PARD3B: variants seen among roughly 807,000 people sequenced by gnomAD.
The protein encoded by PARD3B is par-3 family cell polarity regulator beta.
Under a neutral mutation model 130.2 loss-of-function variants are expected in PARD3B, and 103 were observed. That is an observed-to-expected ratio of 0.79 (90% CI 0.67 to 0.93). The LOEUF (loss-of-function observed/expected upper bound fraction) is 0.93. Ranked by LOEUF, PARD3B falls within the 40% of genes least tolerant of loss-of-function variation. The pLI is 0.00. For synonymous variants in PARD3B, 583 were observed against 553.2 expected (o/e 1.05, Z -0.76); for missense variants, 1,609 against 1,499.2 (o/e 1.07, Z -1.21).
chr2:204,798,709 G>C (rs2042460738), intron 2 of PARD3B, among the ~76,000 whole-genome samples: 2 of 151,928 alleles, frequency 1.3e-5, no homozygotes, highest in Admixed American at 6.5e-5. Flanking sequence ...GCCACAGTAT[G>C]ATAGGGCACT....
chr2:204,619,889 G>A (rs905027553), intron 1 of PARD3B, among the ~76,000 whole-genome samples: 3 of 152,292 alleles, frequency 2.0e-5, no homozygotes, highest in African/African-American at 7.2e-5. Flanking sequence ...TGGGTACTCC[G>A]TGTGAGTGGG....
intron 2 of PARD3B, among the ~76,000 whole-genome samples, chr2:204,917,919 T>G (rs1420581677): frequency 6.6e-6 from 1 of 152,192 alleles, no homozygotes. Context: ...TTAATCTGAT[T>G]AAATATTAGA....
At chr2:204,554,422 A>C (rs1400074465) in intron 1 of PARD3B, among the ~76,000 whole-genome samples, 1 of 152,074 alleles carries the variant, frequency 6.6e-6, no homozygotes, top group East Asian at 1.9e-4. Flanking sequence ...GCATGTCATT[A>C]AATGGCAAGG....
At chr2:205,411,909 G>A (rs952823227) in intron 19 of PARD3B, among the ~76,000 whole-genome samples, 2 of 152,162 alleles carry the variant, frequency 1.3e-5, no homozygotes, top group Non-Finnish European at 2.9e-5. Flanking sequence ...CACAAATGGT[G>A]TGGGTGACTG....
At position 205,321,740 on chromosome 2, in the gene PARD3B, A is replaced by C. The variant is rs532293751; in HGVS notation, c.2630+20039A>C. On this transcript the variant is annotated intron_variant, in intron 18 of 22. Transcript: ENST00000406610. The surrounding 1 kb of genome is among the most constrained non-coding windows in gnomAD (Gnocchi z 4.2). ...GTAATTTCAAATATGATTACAAGTCAAGAAAACCATTTTTGTGGGGTTTAT... is the reference window on the plus strand; with the variant it reads ...GTAATTTCAAATATGATTACAAGTCCAGAAAACCATTTTTGTGGGGTTTAT... Among the ~76,000 whole-genome samples, 1 of 152,338 alleles carries C rather than the reference A, an allele frequency of 6.6e-6. No individual in the cohort carries two copies. The highest frequency in any genetic ancestry group is 2.1e-4 in the South Asian group (1 of 4,830).
intron 2 of PARD3B, among the ~76,000 whole-genome samples, chr2:204,872,789 T>TA (rs2045679467): frequency 6.6e-6 from 1 of 152,194 alleles, no homozygotes; most frequent in African/African-American, 2.4e-5. Flanking sequence ...ACCAAATACT[T>TA]ATTTGAACTC....
At chr2:205,181,199 A>G (rs2035768257) in intron 13 of PARD3B, among the ~76,000 whole-genome samples, 1 of 152,096 alleles carries the variant, frequency 6.6e-6, no homozygotes, top group African/African-American at 2.4e-5. Flanking sequence ...GTCTCTCTGG[A>G]TCCGTATTCC....
At position 204,834,519 on chromosome 2, in the gene PARD3B, T is replaced by C. The variant is rs182916438; in HGVS notation, c.223-130633T>C. ...ATCTTTAGGTGAAGGTAGTATTATG[T>C]ATTTCTGGGCATTACAAAAATATAA... On this transcript the variant is annotated intron_variant, in intron 2 of 22. Coordinates refer to ENST00000406610, the MANE Select transcript of PARD3B (RefSeq NM_001302769.2). 1.3e-4 allele frequency among the ~76,000 whole-genome samples: 20 copies of C among 152,376 alleles called. No individual in the cohort carries two copies. In the East Asian group the frequency reaches 3.5e-3, roughly 26 times the overall value.
chr2:205,157,938 C>T (rs910522931), intron 10 of PARD3B, among the ~76,000 whole-genome samples: 3 of 152,176 alleles, frequency 2.0e-5, no homozygotes, highest in Non-Finnish European at 2.9e-5. Flanking sequence ...GACCTGAACC[C>T]TAAATATGCC....
chr2:205,259,381 T>C (rs377477731), intron 16 of PARD3B, among the ~76,000 whole-genome samples: 101 of 149,248 alleles, frequency 6.8e-4, no homozygotes, highest in African/African-American at 2.3e-3. Context: ...TTATAGCACA[T>C]TGGAGATCTT....
Position 204,688,158 on chromosome 2 carries a change from G to A in PARD3B, c.222+1876G>A, listed in dbSNP as rs117309234. 3.9e-4 allele frequency among the ~76,000 whole-genome samples: 60 copies of A among 152,148 alleles called. No homozygotes were observed. The East Asian group carries it at 0.011, about 27-fold the overall frequency. On this transcript the variant is annotated intron_variant, in intron 2 of 22. Transcript: ENST00000406610. ...CTGAGGATTAGTACTGCTTGGGTTC[G>A]GCTTTAACAATTCTGTTAATGTACT... is the stretch of plus-strand genomic sequence containing the variant.
At chr2:205,423,309 G>A (rs1274800845) in intron 19 of PARD3B, among the ~76,000 whole-genome samples, 1 of 152,222 alleles carries the variant, frequency 6.6e-6, no homozygotes, top group African/African-American at 2.4e-5. Flanking sequence ...TGTTAAGGAA[G>A]ACCCTATCAC....
intron 22 of PARD3B, among the ~76,000 whole-genome samples, chr2:205,576,500 A>AT (rs1298402056): frequency 1.3e-5 from 2 of 152,034 alleles, no homozygotes; most frequent in Admixed American, 1.3e-4. Context: ...GTCTAGATTC[A>AT]TTTTTTGCAT....
At chr2:205,503,385 T>C (rs114781189) in intron 21 of PARD3B, among the ~76,000 whole-genome samples, 125 of 150,966 alleles carry the variant, frequency 8.3e-4, no homozygotes, top group African/African-American at 2.8e-3. Flanking sequence ...CTGACATACT[T>C]TGTTCTTTTT....
chr2:205,161,639 G>T (rs1364962625), intron 11 of PARD3B, among the ~76,000 whole-genome samples: 2 of 152,142 alleles, frequency 1.3e-5, no homozygotes, highest in African/African-American at 4.8e-5. Flanking sequence ...TTGAGACTTT[G>T]TTCCTGTCCC....
At chr2:204,592,937 A>G (rs2033136891) in intron 1 of PARD3B, among the ~76,000 whole-genome samples, 1 of 152,240 alleles carries the variant, frequency 6.6e-6, no homozygotes, top group Non-Finnish European at 1.5e-5. Context: ...AGGTTCAACC[A>G]TGTTGTAGCA....
At chr2:205,380,400 TTATA>T (rs1267862449) in intron 18 of PARD3B, among the ~76,000 whole-genome samples, 2 of 40,072 alleles carry the variant, frequency 5.0e-5, no homozygotes, top group Non-Finnish European at 8.2e-5. Flanking sequence ...AGAATATATA[TTATA>T]TATAATATAT....
chr2:204,961,281 G>C (rs1690722447), intron 2 of PARD3B, among the ~76,000 whole-genome samples: 1 of 152,130 alleles, frequency 6.6e-6, no homozygotes, highest in Non-Finnish European at 1.5e-5. Flanking sequence ...TAGTCAGGGG[G>C]CTGTTAAGAA....
At chr2:204,638,756 T>C (rs758922997) in intron 1 of PARD3B, among the ~76,000 whole-genome samples, 15 of 152,226 alleles carry the variant, frequency 9.9e-5, no homozygotes, top group Admixed American at 2.0e-4. Context: ...TTTTAAATGC[T>C]TTATCATAGG....
Sources: allele counts gnomAD v4.1 joint callset (sites outside exome capture counted in the v4.1 genomes callset), GRCh38; gene constraint gnomAD v4.1.1; non-coding constraint Gnocchi (gnomAD v3.1); transcripts MANE v1.5; gene names NCBI Gene and HGNC (gene_info 2026-07-23, HGNC 2026-07-21).